The following RRP12 variants were observed in gnomAD, a reference collection of about 807,000 sequenced individuals.
RRP12 encodes the protein RRP12-like protein.
In RRP12, 78 loss-of-function variants were observed where a neutral mutation model predicts 157.3. That is an observed-to-expected ratio of 0.50 (90% CI 0.41 to 0.60). The LOEUF (loss-of-function observed/expected upper bound fraction) is 0.60. Among genes scored for constraint, RRP12 ranks in the 20% least tolerant of loss-of-function variants. The probability of loss-of-function intolerance (pLI) is 0.00; values close to 1 mark genes in which losing one functional copy is unlikely to be tolerated. For synonymous variants in RRP12, 726 were observed against 670.9 expected, an observed-to-expected ratio of 1.08 and a Z score of -1.27; for missense variants, 1,521 against 1,679.9, an observed-to-expected ratio of 0.91 and a Z score of 1.65.
Position 97,366,584 on chromosome 10 carries a change from C to T in RRP12, c.3253G>A (p.Asp1085Asn). Residue 1085 changes from aspartate to asparagine, a missense_variant, in exon 28 of 34, where the codon GAC (aspartate) becomes AAC (asparagine). Physicochemically the swap from Asp to Asn is conservative, Grantham distance 23 (BLOSUM62 1). Coordinates refer to ENST00000370992, the MANE Select transcript of RRP12 (RefSeq NM_015179.4). ...CGGCTTCTTTCCTCCTCCTCATTGT[C>T]CTCCTCGTCCTCTGAGTCAGCTAAA... Reference protein sequence around the residue: ...EILADSEDEEDNEEEERSRGK... With the variant: ...EILADSEDEENNEEEERSRGK... The T allele has an allele frequency of 1.2e-6, 2 of 1,613,922 alleles. No homozygotes were observed. Among genetic ancestry groups the T allele is most frequent in the Non-Finnish European group, 1.7e-6 (2 of 1,179,940 alleles).
intron 4 of RRP12, among the ~76,000 whole-genome samples, chr10:97,391,593 TA>T (rs1171151388): frequency 1.4e-5 from 2 of 148,102 alleles, no homozygotes; most frequent in African/African-American, 5.0e-5. Context: ...AATAAATAAA[TA>T]AATTTCTAAT....
At chr10:97,371,114 G>A in intron 20 of RRP12, 33 bp from the exon 21 acceptor site, 1 of 1,607,808 alleles carries the variant, frequency 6.2e-7, no homozygotes, top group Non-Finnish European at 8.5e-7. Context: ...GGAGGCCTGG[G>A]GCTCACTCCC....
At chr10:97,383,782 T>A (rs1409268249) in intron 10 of RRP12, among the ~76,000 whole-genome samples, 1 of 152,134 alleles carries the variant, frequency 6.6e-6, no homozygotes, top group African/African-American at 2.4e-5. Flanking sequence ...ACAGAAAGGA[T>A]ATCCCATGGC....
intron 18 of RRP12, 77 bp downstream of exon 18, chr10:97,372,969 G>GGTA: frequency 6.7e-7 from 1 of 1,498,518 alleles, no homozygotes; most frequent in Non-Finnish European, 9.1e-7. Context: ...AGCCCTGGTG[G>GGTA]GTAGGGTCTC....
chr10:97,382,761 T>C (rs893392189), intron 10 of RRP12, among the ~76,000 whole-genome samples: 5 of 136,072 alleles, frequency 3.7e-5, no homozygotes, highest in African/African-American at 6.0e-5. Context: ...TTTGACTGTT[T>C]CTATTTTTTT....
Position 97,379,611 on chromosome 10 carries a change from G to A in RRP12, c.1676+17C>T. 5.0e-6 allele frequency: 8 copies of A among 1,612,612 alleles called. No individual in the cohort carries two copies. The highest frequency in any genetic ancestry group is 5.9e-6 in the Non-Finnish European group (7 of 1,179,358). On this transcript the variant is annotated intron_variant, in intron 14 of 33. Transcript: ENST00000370992. Reference sequence around the variant, plus strand: ...AAGCCTGGGGCTTGTCAGGAAGCCAGCCAGGGCCACACTTACTCAGAGCCA... The same window carrying A: ...AAGCCTGGGGCTTGTCAGGAAGCCAACCAGGGCCACACTTACTCAGAGCCA...
chr10:97,385,598 A>C (rs1304379226), intron 9 of RRP12, among the ~76,000 whole-genome samples: 1 of 152,044 alleles, frequency 6.6e-6, no homozygotes, highest in African/African-American at 2.4e-5. Flanking sequence ...ATCCATCCAC[A>C]GACCTCTAAG....
chr10:97,385,611 C>T (rs562211208), intron 9 of RRP12, among the ~76,000 whole-genome samples: 8 of 152,238 alleles, frequency 5.3e-5, no homozygotes, highest in African/African-American at 1.7e-4. Context: ...CCTCTAAGGC[C>T]GAGAGCCCTG....
chr10:97,360,828 C>T (rs997259214), intron 30 of RRP12, among the ~76,000 whole-genome samples: 8 of 152,192 alleles, frequency 5.3e-5, no homozygotes, highest in African/African-American at 1.9e-4. Context: ...AAGAGAAGCT[C>T]TGGCCATGTC....
chr10:97,397,994 T>TATATATAC (rs1365709005), intron 2 of RRP12, among the ~76,000 whole-genome samples: 239 of 20,352 alleles, frequency 0.012, 13 homozygotes, highest in African/African-American at 0.019. Flanking sequence ...AAAAAATACG[T>TATATATAC]ATATATATAT....
rs1203273603 is a variant in RRP12, at chr10:97,357,725, G to A, written c.3792-529C>T. Among the ~76,000 whole-genome samples the A allele has an allele frequency of 3.3e-5, 5 of 152,128 alleles. 1 individual carries two copies. The highest frequency in any genetic ancestry group is 1.2e-4 in the African/African-American group (5 of 41,430). ...TGTAATCCCAGCACTTTGGGAGGCC[G>A]AGGTGGGCAGATCACAAGGTCAGGG... is the stretch of plus-strand genomic sequence containing the variant. On this transcript the variant is annotated intron_variant, in intron 33 of 33. Coordinates refer to ENST00000370992, the MANE Select transcript of RRP12 (RefSeq NM_015179.4).
intron 17 of RRP12, 108 bp from the exon 18 acceptor site, chr10:97,373,308 TG>T (rs1844211834): frequency 1.6e-6 from 2 of 1,223,584 alleles, no homozygotes; most frequent in East Asian, 5.0e-5. Context: ...TGGCAGGACT[TG>T]GAATCCATGG....
intron 28 of RRP12, 98 bp from the exon 29 acceptor site, chr10:97,366,331 C>A (rs547526660): frequency 3.2e-6 from 5 of 1,567,640 alleles, no homozygotes; most frequent in East Asian, 4.5e-5. Flanking sequence ...CCCAAACGGG[C>A]GCCTCTCAGC....
chr10:97,367,063 T>C lies in RRP12; in HGVS notation c.3025A>G (p.Thr1009Ala), dbSNP rs1238641298. Residue 1009 changes from threonine (T) to alanine (A), a missense_variant, in exon 26 of 34, where the codon ACC (threonine) becomes GCC (alanine). Coordinates refer to ENST00000370992, the MANE Select transcript of RRP12 (RefSeq NM_015179.4). ...GACCCAAACTTGCGGATGAACTTGG[T>C]GAACAGGTTCCGAAGCTTCATGCGG... ...HFRMKLRNLFTKFIRKFGFEL... is the reference protein window; with the variant it reads ...HFRMKLRNLFAKFIRKFGFEL... 1.9e-6 allele frequency: 3 copies of C among 1,614,204 alleles called. No individual in the cohort carries two copies. Among genetic ancestry groups the C allele is most frequent in the East Asian group, 2.2e-5 (1 of 44,884 alleles).
At chr10:97,379,568 C>T in intron 14 of RRP12, 60 bp downstream of exon 14, 3 of 1,601,622 alleles carry the variant, frequency 1.9e-6, no homozygotes, top group Non-Finnish European at 2.6e-6. Context: ...AGCAGACATC[C>T]TTTCCAGGGG....
At chr10:97,392,236 G>T (rs916706941) in intron 4 of RRP12, among the ~76,000 whole-genome samples, 9 of 152,076 alleles carry the variant, frequency 5.9e-5, no homozygotes, top group African/African-American at 1.9e-4. Flanking sequence ...CTCCCAAAGT[G>T]CTGGGATTAT....
At chr10:97,372,318 G>A in intron 19 of RRP12, 152 bp from the exon 20 acceptor site, 1 of 588,676 alleles carries the variant, frequency 1.7e-6, no homozygotes, top group Non-Finnish European at 3.0e-6. Context: ...ATAATAGCTA[G>A]TACCTAACTG....
intron 10 of RRP12, among the ~76,000 whole-genome samples, chr10:97,382,878 C>T (rs1554880276): frequency 6.6e-6 from 1 of 152,046 alleles, no homozygotes; most frequent in Non-Finnish European, 1.5e-5. Flanking sequence ...TCTCGTGCCT[C>T]AGCCTCCCAA....
intron 25 of RRP12, among the ~76,000 whole-genome samples, chr10:97,369,054 A>G (rs933947346): frequency 5.4e-5 from 8 of 147,702 alleles, no homozygotes; most frequent in Admixed American, 1.4e-4. Context: ...GCAAGATGGG[A>G]AAAAAAAAAA....
Sources: gnomAD v4.1 joint callset for allele counts (sites outside exome capture counted in the v4.1 genomes callset) on GRCh38, gnomAD v4.1.1 for gene constraint, MANE v1.5 for transcripts, NCBI Gene and HGNC (gene_info 2026-07-23, HGNC 2026-07-21) for gene names.